EYS: variants seen among roughly 807,000 people sequenced by gnomAD.
The protein encoded by EYS is protein eyes shut homolog.
A neutral mutation model predicts 282.1 loss-of-function variants in EYS; 250 were observed. The observed-to-expected ratio is 0.89, with a 90% CI of 0.80 to 0.98. EYS has a LOEUF of 0.98. Ranked by LOEUF, EYS falls within the 50% of genes least tolerant of loss-of-function variation. The pLI is 0.00. For synonymous variants in EYS, 1,355 were observed against 1,282.9 expected (o/e 1.06, Z -1.20); for missense variants, 4,016 against 3,709.0 (o/e 1.08, Z -2.15).
chr6:65,027,188 CT>C (rs1772447466), intron 13 of EYS, among the ~76,000 whole-genome samples: 1 of 152,080 alleles, frequency 6.6e-6, no homozygotes, highest in East Asian at 1.9e-4. Context: ...GTTATTTTAG[CT>C]TTTACCTTAA....
intron 41 of EYS, among the ~76,000 whole-genome samples, chr6:63,731,986 G>A (rs1768794546): frequency 6.6e-6 from 1 of 152,072 alleles, no homozygotes; most frequent in Admixed American, 6.6e-5. Context: ...TCTCAAGAAT[G>A]GAAGAGTTCA....
chr6:64,398,900 A>T (rs937880961), intron 28 of EYS, among the ~76,000 whole-genome samples: 1 of 151,874 alleles, frequency 6.6e-6, no homozygotes, highest in African/African-American at 2.4e-5. Context: ...TGGATTCTGT[A>T]TTTAGAAGCA....
intron 29 of EYS, among the ~76,000 whole-genome samples, chr6:64,314,746 A>G (rs958271997): frequency 6.6e-6 from 1 of 151,390 alleles, no homozygotes. Flanking sequence ...CAAAGACACA[A>G]CAGAATCTCT....
At chr6:64,748,489 A>T (rs1005133754) in intron 22 of EYS, among the ~76,000 whole-genome samples, 2 of 152,232 alleles carry the variant, frequency 1.3e-5, no homozygotes, top group African/African-American at 4.8e-5. Flanking sequence ...AGGCATTAGC[A>T]TTAATTGGCA....
At chr6:64,009,161 A>G (rs1768485896) in intron 33 of EYS, among the ~76,000 whole-genome samples, 1 of 151,462 alleles carries the variant, frequency 6.6e-6, no homozygotes, top group African/African-American at 2.4e-5. Flanking sequence ...TCATTTATTC[A>G]TTTTTTATTC....
intron 19 of EYS, among the ~76,000 whole-genome samples, chr6:64,857,390 A>T (rs1287880091): frequency 6.6e-6 from 1 of 152,134 alleles, no homozygotes; most frequent in Non-Finnish European, 1.5e-5. Flanking sequence ...TATTTCGTTT[A>T]GTTCTCCAGT....
At chr6:65,526,925 T>A (rs1767589378) in intron 2 of EYS, among the ~76,000 whole-genome samples, 1 of 152,088 alleles carries the variant, frequency 6.6e-6, no homozygotes. Flanking sequence ...CCCAAATAAT[T>A]CAGTATATTT....
chr6:65,591,311 C>A (rs1582492869), intron 2 of EYS, among the ~76,000 whole-genome samples: 2 of 151,736 alleles, frequency 1.3e-5, no homozygotes, highest in Non-Finnish European at 1.5e-5. Flanking sequence ...CAATCCTCCC[C>A]CCTCAGCCTC....
chr6:64,935,104 A>T (rs1022427065), intron 15 of EYS, among the ~76,000 whole-genome samples: 2 of 151,800 alleles, frequency 1.3e-5, no homozygotes, highest in African/African-American at 4.8e-5. Context: ...TTAAGAGGTT[A>T]CTTATAATCT....
chr6:64,471,864 T>A (rs1228707290), intron 26 of EYS, among the ~76,000 whole-genome samples: 3 of 152,132 alleles, frequency 2.0e-5, no homozygotes, highest in Non-Finnish European at 4.4e-5. Context: ...TACAAACATA[T>A]AATTAGATAG....
intron 21 of EYS, among the ~76,000 whole-genome samples, chr6:64,821,381 G>T (rs1350616019): frequency 6.6e-6 from 1 of 151,938 alleles, no homozygotes; most frequent in Admixed American, 6.6e-5. Context: ...CTAGGATTTA[G>T]TTTGGTGGGG....
intron 26 of EYS, among the ~76,000 whole-genome samples, chr6:64,487,217 TAGAA>T (rs201804954): frequency 0.016 from 2,495 of 151,280 alleles, 23 homozygotes; most frequent in South Asian, 0.035. Flanking sequence ...AAGAAAATCT[TAGAA>T]AGAGAGAATC....
At chr6:64,540,914 A>G (rs1764679371) in intron 26 of EYS, among the ~76,000 whole-genome samples, 1 of 152,232 alleles carries the variant, frequency 6.6e-6, no homozygotes, top group Non-Finnish European at 1.5e-5. Context: ...ACAGGAAAGC[A>G]GAGAATCAAG....
chr6:64,291,411 T>C (rs1286351724), intron 30 of EYS, among the ~76,000 whole-genome samples: 1 of 152,114 alleles, frequency 6.6e-6, no homozygotes, highest in South Asian at 2.1e-4. Flanking sequence ...AAAACAACTA[T>C]ATTCATTTTA....
intron 29 of EYS, among the ~76,000 whole-genome samples, chr6:64,308,580 CTTAAT>C (rs926633555): frequency 2.0e-5 from 3 of 151,952 alleles, no homozygotes; most frequent in African/African-American, 7.2e-5. Flanking sequence ...TATTAGTTAT[CTTAAT>C]TTTTGAATTA....
At chr6:65,318,531 A>G in intron 11 of EYS, among the ~76,000 whole-genome samples, 1 of 146,450 alleles carries the variant, frequency 6.8e-6, no homozygotes, top group Non-Finnish European at 1.5e-5. Flanking sequence ...GGTTATATAC[A>G]TATTTTATAT....
chr6:63,958,761 A>G (rs1765928633), intron 35 of EYS, among the ~76,000 whole-genome samples: 1 of 152,182 alleles, frequency 6.6e-6, no homozygotes, highest in Admixed American at 6.6e-5. Flanking sequence ...TTACCATTCC[A>G]AAAATTACTC....
chr6:65,290,165 G>A (rs1215246524), intron 12 of EYS, among the ~76,000 whole-genome samples: 3 of 150,654 alleles, frequency 2.0e-5, no homozygotes, highest in African/African-American at 7.3e-5. Flanking sequence ...ATTGACTAAG[G>A]GTTAACAAAA....
intron 1 of EYS, among the ~76,000 whole-genome samples, chr6:65,648,390 A>G (rs554604069): frequency 6.6e-6 from 1 of 151,778 alleles, no homozygotes; most frequent in Admixed American, 6.6e-5. Flanking sequence ...AAGGAATGAA[A>G]TAATGGTATT....
Sources: allele counts gnomAD v4.1 joint callset (sites outside exome capture counted in the v4.1 genomes callset), GRCh38; gene constraint gnomAD v4.1.1; transcripts MANE v1.5; gene names NCBI Gene and HGNC (gene_info 2026-07-23, HGNC 2026-07-21).